The following PAM variants were observed in gnomAD, a reference collection of about 807,000 sequenced individuals.
PAM encodes the protein peptidyl-glycine alpha-amidating monooxygenase.
Under a neutral mutation model 122.1 loss-of-function variants are expected in PAM, and 72 were observed. The observed-to-expected ratio is 0.59, with a 90% CI of 0.49 to 0.72. PAM has a LOEUF of 0.72. Ranked by LOEUF, PAM falls within the 30% of genes least tolerant of loss-of-function variation. The pLI is 0.00. For missense variants in PAM, 1,106 were observed against 1,183.7 expected (o/e 0.93, Z 0.96); for synonymous variants, 389 against 404.4 (o/e 0.96, Z 0.46).
intron 7 of PAM, among the ~76,000 whole-genome samples, chr5:102,934,869 C>G (rs546644677): frequency 5.9e-5 from 9 of 152,120 alleles, no homozygotes; most frequent in Non-Finnish European, 1.2e-4. Flanking sequence ...CTTTAGCCTT[C>G]CAAAGCTGTT....
intron 1 of PAM, among the ~76,000 whole-genome samples, chr5:102,846,415 A>T (rs1779963011): frequency 6.6e-6 from 1 of 151,756 alleles, no homozygotes; most frequent in Admixed American, 6.6e-5. Flanking sequence ...AATTTTAAAA[A>T]CTCAACTTGC....
chr5:102,846,493 C>T (rs1003942815), intron 1 of PAM, among the ~76,000 whole-genome samples: 10 of 152,164 alleles, frequency 6.6e-5, no homozygotes, highest in Admixed American at 2.6e-4. Context: ...TCCACTGCCA[C>T]CTGGTAAACA....
chr5:102,928,333 G>T (rs1750309876), intron 7 of PAM, among the ~76,000 whole-genome samples: 2 of 152,010 alleles, frequency 1.3e-5, no homozygotes, highest in Non-Finnish European at 2.9e-5. Flanking sequence ...AGTTAATTTT[G>T]TTTTATAATT....
intron 7 of PAM, among the ~76,000 whole-genome samples, chr5:102,931,598 A>G (rs973001134): frequency 1.3e-5 from 2 of 152,184 alleles, no homozygotes; most frequent in African/African-American, 4.8e-5. Context: ...GTCTCCAACA[A>G]TAACTCATTT....
At chr5:102,920,776 A>G (rs1449360995) in intron 5 of PAM, among the ~76,000 whole-genome samples, 1 of 151,512 alleles carries the variant, frequency 6.6e-6, no homozygotes, top group African/African-American at 2.4e-5. Context: ...GGCTATACAG[A>G]CTTAACTTGA....
chr5:102,849,079 G>C (rs937106622), intron 1 of PAM, among the ~76,000 whole-genome samples: 2 of 151,992 alleles, frequency 1.3e-5, no homozygotes, highest in Non-Finnish European at 2.9e-5. Context: ...AAATCAGAAT[G>C]GCACCTGAAT....
rs1762049763 is a variant in PAM at position 102,960,184 on chromosome 5, T to A, written c.1090+125T>A. 20 of 565,838 alleles carry A rather than the reference T, an allele frequency of 3.5e-5. No individual in the cohort carries two copies. In the South Asian group the frequency reaches 5.8e-4, roughly 16 times the overall value. The allele number at this position is 565,838 out of a possible 1,614,324, so 35.1% of individuals were successfully genotyped here. A position where few individuals can be genotyped will look rare whatever the true frequency, so the allele number is the denominator to read the frequency against. The stretch of plus-strand genomic sequence containing the variant: ...CTTCTACCAGTCACATGTACACACA[T>A]ATTTCTTATTTTCTCATTTTTCTCT... On this transcript the variant is annotated intron_variant, in intron 13 of 25. Coordinates refer to ENST00000438793, the MANE Select transcript of PAM (RefSeq NM_001177306.2).
At chr5:102,836,239 A>T (rs1037156415) in intron 1 of PAM, among the ~76,000 whole-genome samples, 6 of 152,192 alleles carry the variant, frequency 3.9e-5, no homozygotes, top group African/African-American at 1.4e-4. Flanking sequence ...TGAATGTTTC[A>T]ATTATAATAT....
chr5:102,869,026 C>T (rs1441484634), intron 3 of PAM, among the ~76,000 whole-genome samples: 2 of 152,176 alleles, frequency 1.3e-5, no homozygotes, highest in African/African-American at 4.8e-5. Flanking sequence ...TTTGCACTAT[C>T]TGTATTCACC....
At chr5:102,801,797 G>A (rs1467287809) in intron 1 of PAM, among the ~76,000 whole-genome samples, 1 of 19,378 alleles carries the variant, frequency 5.2e-5, no homozygotes, top group Non-Finnish European at 9.9e-5. Context: ...TTTTTTTTTT[G>A]AGACGGAGTC....
At chr5:102,844,155 A>G (rs1020128216) in intron 1 of PAM, among the ~76,000 whole-genome samples, 1 of 152,142 alleles carries the variant, frequency 6.6e-6, no homozygotes, top group Non-Finnish European at 1.5e-5. Context: ...ACATGCAACA[A>G]CTTGGATGGA....
chr5:102,993,070 T>C (rs1261893175), intron 16 of PAM, among the ~76,000 whole-genome samples: 1 of 152,064 alleles, frequency 6.6e-6, no homozygotes, highest in South Asian at 2.1e-4. Context: ...ACACTAAATA[T>C]ACATAGCAAC....
At chr5:102,915,209 A>C (rs183964004) in intron 5 of PAM, among the ~76,000 whole-genome samples, 2 of 152,114 alleles carry the variant, frequency 1.3e-5, no homozygotes, top group East Asian at 1.9e-4. Flanking sequence ...CTGTCCTTAC[A>C]TAATCATGTA....
intron 1 of PAM, among the ~76,000 whole-genome samples, chr5:102,757,463 G>C (rs529358703): frequency 3.9e-5 from 6 of 152,310 alleles, no homozygotes; most frequent in Non-Finnish European, 8.8e-5. Flanking sequence ...AGGTGCACTT[G>C]GAAATAAAAT....
chr5:102,773,921 A>G (rs1341339493), intron 1 of PAM, among the ~76,000 whole-genome samples: 1 of 152,092 alleles, frequency 6.6e-6, no homozygotes, highest in Non-Finnish European at 1.5e-5. Flanking sequence ...CTTCATGTTC[A>G]TAGTTCTTAT....
chr5:102,978,984 A>G (rs1768730776), intron 15 of PAM, among the ~76,000 whole-genome samples: 1 of 151,990 alleles, frequency 6.6e-6, no homozygotes, highest in Non-Finnish European at 1.5e-5. Context: ...AAAGCCAGGC[A>G]GACTTGCTCC....
intron 1 of PAM, among the ~76,000 whole-genome samples, chr5:102,814,591 A>G (rs1769093085): frequency 6.8e-6 from 1 of 146,842 alleles, no homozygotes; most frequent in Non-Finnish European, 1.5e-5. Context: ...ATATACATAT[A>G]TATTGATATA....
At chr5:102,853,746 C>A (rs576869877) in intron 1 of PAM, among the ~76,000 whole-genome samples, 1 of 152,168 alleles carries the variant, frequency 6.6e-6, no homozygotes, top group Admixed American at 6.5e-5. Context: ...TTCAAGTCTG[C>A]GCCCTCATTT....
chr5:102,787,867 T>A (rs1308963632), intron 1 of PAM, among the ~76,000 whole-genome samples: 1 of 152,000 alleles, frequency 6.6e-6, no homozygotes, highest in Non-Finnish European at 1.5e-5. Context: ...TTATAGTGAG[T>A]CTCTGGCTTG....
Sources: gnomAD v4.1 joint callset for allele counts (sites outside exome capture counted in the v4.1 genomes callset) on GRCh38, gnomAD v4.1.1 for gene constraint, MANE v1.5 for transcripts, NCBI Gene and HGNC (gene_info 2026-07-23, HGNC 2026-07-21) for gene names.